ATP2C2: variants seen among roughly 807,000 people sequenced by gnomAD.
The protein encoded by ATP2C2 is ATPase secretory pathway Ca2+ transporting 2.
In ATP2C2, 171 loss-of-function variants were observed where a neutral mutation model predicts 110.8. The ratio of observed to expected loss-of-function variants is 1.54; its 90% CI spans 1.36 to 1.75. ATP2C2 has a LOEUF of 1.75. ATP2C2 is among the 40% of genes most tolerant of loss of function. The probability of loss-of-function intolerance (pLI) is 0.00; values close to 1 mark genes in which losing one functional copy is unlikely to be tolerated. For synonymous variants in ATP2C2, 804 were observed against 508.4 expected, an observed-to-expected ratio of 1.58 and a Z score of -7.82; for missense variants, 1,963 against 1,235.0, an observed-to-expected ratio of 1.59 and a Z score of -8.84.
chr16:84,447,280 G>C (rs1050400713), intron 16 of ATP2C2, among the ~76,000 whole-genome samples: 6 of 152,132 alleles, frequency 3.9e-5, no homozygotes, highest in African/African-American at 1.4e-4. Flanking sequence ...GTACATTTCA[G>C]GGGCTTAGAA....
chr16:84,395,745 C>G (rs1037656350), intron 1 of ATP2C2, among the ~76,000 whole-genome samples: 2 of 151,412 alleles, frequency 1.3e-5, no homozygotes, highest in African/African-American at 2.5e-5. Flanking sequence ...GATGATCTGC[C>G]TGCCTCAGCT....
chr16:84,431,743 A>G (rs1166855944), intron 11 of ATP2C2, among the ~76,000 whole-genome samples: 2 of 152,134 alleles, frequency 1.3e-5, no homozygotes, highest in African/African-American at 2.4e-5. Context: ...CCCTTCTCCT[A>G]TTCCTAACCT....
At chr16:84,381,472 G>C (rs551023016) in intron 1 of ATP2C2, among the ~76,000 whole-genome samples, 11 of 152,204 alleles carry the variant, frequency 7.2e-5, no homozygotes, top group Admixed American at 2.0e-4. Context: ...AGCTACTCAG[G>C]AGGCTGAGGC....
chr16:84,437,644 T>A (rs1173368567), intron 11 of ATP2C2, among the ~76,000 whole-genome samples: 1 of 152,226 alleles, frequency 6.6e-6, no homozygotes, highest in Non-Finnish European at 1.5e-5. Flanking sequence ...GCCTCCTGAG[T>A]ACCTGGGATT....
chr16:84,395,991 C>T (rs531919196), intron 1 of ATP2C2, among the ~76,000 whole-genome samples: 15 of 152,278 alleles, frequency 9.9e-5, no homozygotes, highest in African/African-American at 3.1e-4. Flanking sequence ...CTCCCCAGCC[C>T]GGTTACCTCT....
At chr16:84,461,459 G>C in intron 24 of ATP2C2, 2 of 580,630 alleles carry the variant, frequency 3.4e-6, no homozygotes, top group South Asian at 4.2e-5. Flanking sequence ...TTACTTCCTG[G>C]AGGAAGTGGT....
chr16:84,453,032 C>T, intron 18 of ATP2C2, 106 bp from the exon 19 acceptor site: 2 of 1,201,388 alleles, frequency 1.7e-6, no homozygotes, highest in Non-Finnish European at 2.4e-6. Flanking sequence ...TAAACCGTCT[C>T]CAGCATGGTT....
At chr16:84,421,893 C>G (rs1010281755) in intron 7 of ATP2C2, among the ~76,000 whole-genome samples, 4 of 152,116 alleles carry the variant, frequency 2.6e-5, no homozygotes, top group African/African-American at 9.7e-5. Flanking sequence ...CAGTGTTCTG[C>G]AAATGTCAGT....
chr16:84,448,866 C>G (rs981105024), intron 17 of ATP2C2, among the ~76,000 whole-genome samples, 177 bp downstream of exon 17: 1 of 152,180 alleles, frequency 6.6e-6, no homozygotes. Context: ...ACAGAGGTCC[C>G]CACCTCATCC....
At chr16:84,460,135 G>A (rs1911138679) in intron 23 of ATP2C2, 1 of 200,452 alleles carries the variant, frequency 5.0e-6, no homozygotes, top group East Asian at 1.3e-4. Flanking sequence ...TACCTCTCCT[G>A]CCAGCCCTCC....
intron 2 of ATP2C2, among the ~76,000 whole-genome samples, chr16:84,399,503 A>G (rs1447047863): frequency 6.6e-6 from 1 of 152,262 alleles, no homozygotes; most frequent in East Asian, 1.9e-4. Flanking sequence ...TGCGACCAGA[A>G]CAACAAAGTT....
chr16:84,444,757 T>A (rs1420585120), intron 15 of ATP2C2, among the ~76,000 whole-genome samples: 1 of 152,310 alleles, frequency 6.6e-6, no homozygotes, highest in East Asian at 1.9e-4. Flanking sequence ...TGATGTGTTA[T>A]AATTTTCCTT....
chr16:84,454,956 C>A lies in ATP2C2; in HGVS notation c.2119C>A (p.Leu707Met), dbSNP rs374025878. The A allele has an allele frequency of 1.2e-6, 2 of 1,613,760 alleles. No homozygotes were observed. The highest frequency in any genetic ancestry group is 1.7e-6 in the Non-Finnish European group (2 of 1,179,908). The change falls in exon 21 of 27, where the codon CTG becomes ATG. Residue 707 changes from leucine to methionine, a missense_variant. Transcript: ENST00000262429. ...CAGCAAAGAGGCCGCCAACATGATC[C>A]TGGTGGATGATGACTTCTCAGCCAT... ...DVSKEAANMI[L>M]VDDDFSAIMN...
chr16:84,436,847 C>T (rs1237432129), intron 11 of ATP2C2, among the ~76,000 whole-genome samples: 1 of 151,702 alleles, frequency 6.6e-6, no homozygotes, highest in Non-Finnish European at 1.5e-5. Context: ...ACCACAACCT[C>T]CACCTCCCAG....
At position 84,464,053 on chromosome 16, in the gene ATP2C2, C is replaced by A. The variant is rs148068477; in HGVS notation, c.*321C>A. The A allele has an allele frequency of 9.2e-6, 2 of 216,662 alleles. No homozygotes were observed. Among genetic ancestry groups the A allele is most frequent in the East Asian group, 1.1e-4 (1 of 9,360 alleles). 13.4% of individuals were successfully genotyped at this position (216,662 alleles called of 1,614,324 possible). Reference sequence around the variant, plus strand: ...ACAGCTTGCAGTGAGGCAGGCCACTCGTGGCAGATACAAGGGGCTCCTGAG... The same window carrying A: ...ACAGCTTGCAGTGAGGCAGGCCACTAGTGGCAGATACAAGGGGCTCCTGAG... On this transcript the variant is annotated 3_prime_UTR_variant, in exon 27 of 27. Coordinates refer to ENST00000262429, the MANE Select transcript of ATP2C2 (RefSeq NM_014861.4).
intron 10 of ATP2C2, among the ~76,000 whole-genome samples, chr16:84,425,391 T>G (rs1391790598): frequency 6.6e-6 from 1 of 152,156 alleles, no homozygotes; most frequent in Non-Finnish European, 1.5e-5. Context: ...GCAGTTGCAT[T>G]TGCCACAACA....
At chr16:84,404,963 C>A (rs1266170108) in intron 2 of ATP2C2, 165 bp from the exon 3 acceptor site, 1 of 723,164 alleles carries the variant, frequency 1.4e-6, no homozygotes, top group East Asian at 2.6e-5. Flanking sequence ...CCTCTCTCTG[C>A]CCCATCTGCA....
chr16:84,462,308 G>C, intron 26 of ATP2C2, 179 bp downstream of exon 26: 1 of 779,500 alleles, frequency 1.3e-6, no homozygotes, highest in Non-Finnish European at 2.0e-6. Context: ...CGTGGGTGAT[G>C]TGACGGATGC....
chr16:84,451,843 CA>C, intron 17 of ATP2C2, 77 bp from the exon 18 acceptor site: 5 of 614,798 alleles, frequency 8.1e-6, no homozygotes, highest in Non-Finnish European at 1.2e-5. Flanking sequence ...TCTTAAAAAA[CA>C]ACAACAACAA....
Sources: allele counts gnomAD v4.1 joint callset (sites outside exome capture counted in the v4.1 genomes callset), GRCh38; gene constraint gnomAD v4.1.1; transcripts MANE v1.5; gene names NCBI Gene and HGNC (gene_info 2026-07-23, HGNC 2026-07-21).